MAN2B1: variants seen among roughly 807,000 people sequenced by gnomAD.
The protein encoded by MAN2B1 is lysosomal alpha-mannosidase.
MAN2B1 carries 99 observed loss-of-function variants against 127.5 expected under a neutral mutation model. The ratio of observed to expected loss-of-function variants is 0.78; its 90% CI spans 0.66 to 0.92. MAN2B1 has a LOEUF of 0.92. MAN2B1 is among the 40% of genes least tolerant of loss of function. The pLI is 0.00. For missense variants in MAN2B1, 1,304 were observed against 1,384.8 expected, an observed-to-expected ratio of 0.94 and a Z score of 0.93; for synonymous variants, 573 against 568.8, an observed-to-expected ratio of 1.01 and a Z score of -0.11.
rs1362390767 is a variant in MAN2B1, at chr19:12,666,736, T to TGGAAAGGCCGGGCAAACGCCCCGCCCCC, written c.-36_-35insGGGGGCGGGGCGTTTGCCCGGCCTTTCC. 6.5e-6 allele frequency: 10 copies of TGGAAAGGCCGGGCAAACGCCCCGCCCCC among 1,541,352 alleles called. No individual in the cohort carries two copies. The highest frequency in any genetic ancestry group is 7.9e-6 in the Non-Finnish European group (9 of 1,144,394). On this transcript the variant is annotated 5_prime_UTR_variant, in exon 1 of 24. Transcript: ENST00000456935. ...GCTTCCTCCTGGGGTTCCCCGGCCCTGGAAAGGCCGGGCAAACGCCCCGCC... is the reference window on the plus strand; with the variant it reads ...GCTTCCTCCTGGGGTTCCCCGGCCCTGGAAAGGCCGGGCAAACGCCCCGCCCCCGGAAAGGCCGGGCAAACGCCCCGCC...
chr19:12,650,358 T>C (rs2023813569), intron 16 of MAN2B1, 136 bp from the exon 17 acceptor site: 2 of 69,506 alleles, frequency 2.9e-5, no homozygotes, highest in South Asian at 2.5e-4. Flanking sequence ...CACATAATTC[T>C]TTTTTTTTTT....
intron 20 of MAN2B1, 59 bp downstream of exon 20, chr19:12,649,077 G>A (rs2023771780): frequency 6.9e-7 from 1 of 1,442,472 alleles, no homozygotes; most frequent in Admixed American, 1.7e-5. Flanking sequence ...AGCCTTCAAG[G>A]TCCAGCAGGG....
At chr19:12,663,524 C>T (rs931813798) in intron 5 of MAN2B1, 62 bp from the exon 6 acceptor site, 11 of 1,600,992 alleles carry the variant, frequency 6.9e-6, no homozygotes, top group Admixed American at 1.7e-5. Flanking sequence ...GTTTCAAAGC[C>T]GGCCATGTCC....
intron 3 of MAN2B1, 57 bp downstream of exon 3, chr19:12,665,295 T>TGCAGAA (rs2024203864): frequency 1.4e-5 from 23 of 1,587,614 alleles, no homozygotes; most frequent in Non-Finnish European, 1.9e-5. Flanking sequence ...AAACCAGAGA[T>TGCAGAA]GCAGAAGCAG....
At position 12,649,354 on chromosome 19, in the gene MAN2B1, C is replaced by G. The variant is rs375598352; in HGVS notation, c.2342G>C (p.Arg781Pro). 1.9e-6 allele frequency: 3 copies of G among 1,613,262 alleles called. No individual in the cohort carries two copies. Among genetic ancestry groups the G allele is most frequent in the Non-Finnish European group, 2.5e-6 (3 of 1,179,606 alleles). ...VAGNYYPVNT[R>P]IYITDGNMQL... Reference sequence around the variant, plus strand: ...GGGGAGAGCTACCGTGATGTAAATCCGGGTGTTGACTGGATAGTAGTTTCC... The same window carrying G: ...GGGGAGAGCTACCGTGATGTAAATCGGGGTGTTGACTGGATAGTAGTTTCC... Residue 781 changes from arginine to proline, a missense_variant, in exon 19 of 24, where the codon CGG becomes CCG. By Grantham distance (103) the Arg-to-Pro change is moderately radical (BLOSUM62 -2). Coordinates refer to ENST00000456935, the MANE Select transcript of MAN2B1 (RefSeq NM_000528.4).
At position 12,664,901 on chromosome 19, in the gene MAN2B1, A is replaced by C. The variant is rs1026230879; in HGVS notation, c.521T>G (p.Leu174Arg). The C allele has an allele frequency of 6.2e-7, 1 of 1,614,172 alleles. No individual in the cohort carries two copies. Among genetic ancestry groups the C allele is most frequent in the Admixed American group, 1.7e-5 (1 of 60,022 alleles). The change falls in exon 4 of 24, where the codon CTT (leucine) becomes CGT (arginine). Residue 174 changes from leucine to arginine, a missense_variant. Coordinates refer to ENST00000456935, the MANE Select transcript of MAN2B1 (RefSeq NM_000528.4). ...HYGAIVDQMT[L>R]GLRFLEDTFG... ...TGTGTCCTCCAGAAAGCGCAGCCCA[A>C]GTGTCATCTGGTCCACGATGGCACC...
intron 23 of MAN2B1, 72 bp from the exon 24 acceptor site, chr19:12,646,804 C>T: frequency 9.2e-7 from 1 of 1,084,856 alleles, no homozygotes. Context: ...GATGCTTCCT[C>T]CCCTGGGTCT....
In MAN2B1 at chr19:12,665,542, T is replaced by C; in HGVS notation, c.263-17A>G. ...CATTCTTGACTGTGGATAACAGGGA[T>C]AAGGCTCTCAGGGAACAGCAGAGCC... On this transcript the variant is annotated splice_polypyrimidine_tract_variant and intron_variant, in intron 2 of 23. Coordinates refer to ENST00000456935, the MANE Select transcript of MAN2B1 (RefSeq NM_000528.4). 1 of 1,614,038 alleles carries C rather than the reference T, an allele frequency of 6.2e-7. No homozygotes were observed. Among genetic ancestry groups the C allele is most frequent in the Non-Finnish European group, 8.5e-7 (1 of 1,179,976 alleles).
intron 23 of MAN2B1, 143 bp from the exon 24 acceptor site, chr19:12,646,875 C>A: frequency 3.0e-6 from 2 of 663,896 alleles, no homozygotes; most frequent in Non-Finnish European, 5.4e-6. Context: ...TCTTAACCTG[C>A]TTCCCCGGCC....
At chr19:12,648,104 A>G in intron 21 of MAN2B1, 71 bp downstream of exon 21, 7 of 1,416,978 alleles carry the variant, frequency 4.9e-6, no homozygotes, top group East Asian at 2.5e-5. Flanking sequence ...AGCCTAGGAA[A>G]CTCCGCACCC....
chr19:12,655,618 C>T, intron 14 of MAN2B1, 76 bp downstream of exon 14: 1 of 1,475,148 alleles, frequency 6.8e-7, no homozygotes, highest in East Asian at 2.3e-5. Flanking sequence ...ACCTGCTGAC[C>T]CAGAGTCCAC....
In MAN2B1 at chr19:12,649,957, T is replaced by A. The variant is rs1364577616; in HGVS notation, c.2223A>T (p.Gly741=). 1 of 1,612,402 alleles carries A rather than the reference T, an allele frequency of 6.2e-7. No homozygotes were observed. The highest frequency in any genetic ancestry group is 1.7e-5 in the Admixed American group (1 of 59,900). The change falls in exon 18 of 24, where the codon GGA becomes GGT. Residue 741 remains glycine (G), a synonymous_variant. Transcript: ENST00000456935. ...SRFDTPLETK[G]RFYTDSNGRE... is the part of the protein sequence containing the mutation. The stretch of plus-strand genomic sequence containing the variant: ...GGCCATTGCTGTCTGTGTAGAAGCG[T>A]CCCTTTGTCTCCAGCGGTGTGTCAA...
chr19:12,665,573 G>T (rs763568139), intron 2 of MAN2B1, 48 bp from the exon 3 acceptor site: 1 of 1,609,524 alleles, frequency 6.2e-7, no homozygotes. Context: ...GAGCCAAGGG[G>T]GTTATTCCTA....
intron 16 of MAN2B1, among the ~76,000 whole-genome samples, chr19:12,650,505 C>T (rs2023819016): frequency 6.6e-6 from 1 of 151,220 alleles, no homozygotes; most frequent in Non-Finnish European, 1.5e-5. Flanking sequence ...ACTACAGGCA[C>T]CCGCCACCAC....
In MAN2B1 at chr19:12,658,099, C is replaced by T. The variant is rs141650075; in HGVS notation, c.1273G>A (p.Val425Met). 8 of 1,613,300 alleles carry T rather than the reference C, an allele frequency of 5.0e-6. No homozygotes were observed. The highest frequency in any genetic ancestry group is 2.2e-5 in the East Asian group (1 of 44,872). ...LEALVGLAAN[V>M]GPYGSGDSAP... ...CTGTCTCCGGAGCCATAGGGTCCCA[C>T]GTTGGCCGCCAGGCCCACCAGCGCC... The change falls in exon 10 of 24, where the codon GTG becomes ATG. Residue 425 changes from valine to methionine, a missense_variant. Coordinates refer to ENST00000456935, the MANE Select transcript of MAN2B1 (RefSeq NM_000528.4).
chr19:12,648,185 G>A lies in MAN2B1; in HGVS notation c.2654C>T (p.Pro885Leu). 1.9e-6 allele frequency: 3 copies of A among 1,539,556 alleles called. No individual in the cohort carries two copies. Among genetic ancestry groups the A allele is most frequent in the South Asian group, 1.2e-5 (1 of 84,628 alleles). ...GGAAYNLGAP[P>L]RTQFSGLRRD... is the part of the protein sequence containing the mutation. The stretch of plus-strand genomic sequence containing the variant: ...CCCGCTGCCCCTCACCTGCGTGCGC[G>A]GAGGAGCCCCGAGATTGTAGGCGGC... The change falls in exon 21 of 24, where the codon CCG (proline) becomes CTG (leucine). Residue 885 changes from proline to leucine, a missense_variant. Physicochemically the swap from Pro to Leu is moderately conservative, Grantham distance 98. Transcript: ENST00000456935.
In MAN2B1 at chr19:12,655,769, G is replaced by C. The variant is rs759033353; in HGVS notation, c.1755C>G (p.Arg585=). 5.6e-6 allele frequency: 9 copies of C among 1,609,054 alleles called. No homozygotes were observed. The Admixed American group carries it at 1.5e-4, about 27-fold the overall frequency. ...FSTYSVAQVP[R]WKPQARAPQP... is the part of the protein sequence containing the mutation. The stretch of plus-strand genomic sequence containing the variant: ...GTGGTGCGCGGGCCTGGGGCTTCCA[G>C]CGAGGCACCTGGGCTACTGAATAGG... The change falls in exon 14 of 24, where the codon CGC becomes CGG. Residue 585 remains arginine (R), a synonymous_variant. Transcript: ENST00000456935.
chr19:12,654,478 G>A (rs554865183), intron 14 of MAN2B1, among the ~76,000 whole-genome samples: 47 of 152,152 alleles, frequency 3.1e-4, no homozygotes, highest in Non-Finnish European at 5.0e-4. Flanking sequence ...GCACACCTGT[G>A]ATACCCTAAG....
rs1406503787 is a variant in MAN2B1, at chr19:12,656,967, G to A, written c.1509C>T (p.Leu503=). The change falls in exon 12 of 24, where the codon CTC becomes CTT. Residue 503 remains leucine, a synonymous_variant. Coordinates refer to ENST00000456935, the MANE Select transcript of MAN2B1 (RefSeq NM_000528.4). ...GGCTCACGCGCGCCGCCGTCTGGCT[G>A]AGCGGGCAGATGCTGATGTTTAGCT... ...CQQLNISICP[L]SQTAARFQVI... The A allele has an allele frequency of 2.5e-6, 4 of 1,613,506 alleles. No homozygotes were observed. Among genetic ancestry groups the A allele is most frequent in the Non-Finnish European group, 3.4e-6 (4 of 1,179,906 alleles).
Sources: allele counts gnomAD v4.1 joint callset (sites outside exome capture counted in the v4.1 genomes callset), GRCh38; gene constraint gnomAD v4.1.1; transcripts MANE v1.5; gene names NCBI Gene and HGNC (gene_info 2026-07-23, HGNC 2026-07-21).